The following NAV1 variants were observed in gnomAD, a reference collection of about 807,000 sequenced individuals.
The protein encoded by NAV1 is neuron navigator 1, also known as pore membrane and/or filament interacting like protein 3.
Under a neutral mutation model 175.2 loss-of-function variants are expected in NAV1, and 18 were observed. The ratio of observed to expected loss-of-function variants is 0.10; its 90% CI spans 0.07 to 0.15. NAV1 has a LOEUF of 0.15. NAV1 is among the 10% of genes least tolerant of loss of function. The pLI is 1.00. For synonymous variants in NAV1, 897 were observed against 978.7 expected (o/e 0.92, Z 1.56); for missense variants, 1,731 against 2,436.6 (o/e 0.71, Z 6.10).
At chr1:201,795,200 T>C (rs1677363481) in intron 15 of NAV1, 1 of 152,568 alleles carries the variant, frequency 6.6e-6, no homozygotes, top group South Asian at 2.1e-4. Flanking sequence ...ATTGCTTTTT[T>C]CAAGCTCCTC....
intron 1 of NAV1, among the ~76,000 whole-genome samples, chr1:201,692,592 C>T (rs552028845): frequency 6.6e-6 from 1 of 152,288 alleles, no homozygotes; most frequent in Non-Finnish European, 1.5e-5. Context: ...GCCATTTCCC[C>T]CTGATTTGTG....
rs1672224260 is a variant in NAV1, at chr1:201,718,346, C to T, written c.861-44C>T. 14 of 1,486,268 alleles carry T rather than the reference C, an allele frequency of 9.4e-6. No individual in the cohort carries two copies. Among genetic ancestry groups the T allele is most frequent in the Non-Finnish European group, 1.2e-5 (13 of 1,116,724 alleles). The allele number at this position is 1,486,268 out of a possible 1,614,324, so 92.1% of individuals were successfully genotyped here. On this transcript the variant is annotated intron_variant, in intron 2 of 29. Transcript: ENST00000367296. The surrounding 1 kb of genome is among the most constrained non-coding windows in gnomAD (Gnocchi z 4.8). The stretch of plus-strand genomic sequence containing the variant: ...GCATGTGAGGGGACAGGGCACACGG[C>T]GGCTGTGCCAAGGACTAAGTAGTGC...
chr1:201,600,777 TC>T (rs1490235525), intron 2 of NAV1, among the ~76,000 whole-genome samples: 1 of 152,150 alleles, frequency 6.6e-6, no homozygotes, highest in East Asian at 1.9e-4. Flanking sequence ...CAAAGGACTC[TC>T]CTGAGCCGAA....
chr1:201,783,582 C>T (rs537407969), exon 7 of NAV1: 27 of 1,614,130 alleles, frequency 1.7e-5, no homozygotes, highest in South Asian at 5.5e-5. Context: ...ACCCCCAGTC[C>T]GGCACCCATC....
In NAV1 at chr1:201,813,384, G is replaced by C. The variant is rs892610120; in HGVS notation, c.5340+126G>C. ...TTAGGTTCTCTTTCTAACAGGTGGA[G>C]CAAGGCACTGGGTAGACTAAGCTGC... On this transcript the variant is annotated intron_variant, in intron 28 of 29. Transcript: ENST00000367296. The surrounding 1 kb of genome is among the most constrained non-coding windows in gnomAD (Gnocchi z 4.2). The C allele has an allele frequency of 7.6e-6, 5 of 656,666 alleles. No homozygotes were observed. Among genetic ancestry groups the C allele is most frequent in the Non-Finnish European group, 1.3e-5 (5 of 381,116 alleles). The allele number at this position is 656,666 out of a possible 1,614,324, so 40.7% of individuals were successfully genotyped here.
intron 1 of NAV1, among the ~76,000 whole-genome samples, chr1:201,690,029 A>G (rs950437255): frequency 8.8e-4 from 103 of 117,288 alleles, no homozygotes; most frequent in African/African-American, 3.4e-3. Context: ...TGTGGCCTAT[A>G]TGTGGCAGAA....
At chr1:201,705,977 G>A (rs7516340) in intron 1 of NAV1, among the ~76,000 whole-genome samples, 1,833 of 152,298 alleles carry the variant, frequency 0.012, 42 homozygotes, top group African/African-American at 0.042. Context: ...GCAGTGGGTA[G>A]AGACCTGGAG....
chr1:201,806,359 G>T (rs989837099), intron 17 of NAV1, among the ~76,000 whole-genome samples: 3 of 152,122 alleles, frequency 2.0e-5, no homozygotes, highest in Non-Finnish European at 4.4e-5. Context: ...GTTTCATTTT[G>T]CTTAATCCAT....
chr1:201,560,486 T>A (rs1423980569), intron 1 of NAV1, among the ~76,000 whole-genome samples: 1 of 152,160 alleles, frequency 6.6e-6, no homozygotes, highest in Non-Finnish European at 1.5e-5. Context: ...GCCATCCTGG[T>A]GTGGTGACCA....
In NAV1 at chr1:201,694,753, T is replaced by G. The variant is rs771527927; in HGVS notation, c.758-18064T>G. On this transcript the variant is annotated intron_variant, in intron 1 of 29. Transcript: ENST00000367296. This position sits in a 1 kb window ranked among gnomAD's most constrained non-coding sequence, Gnocchi z 4.2. ...GATGGGCGAGATGCAGTCTCCAGAGTGACGCAGTGGGACGAGCCCTGGAGC... is the reference window on the plus strand; with the variant it reads ...GATGGGCGAGATGCAGTCTCCAGAGGGACGCAGTGGGACGAGCCCTGGAGC... Among the ~76,000 whole-genome samples the G allele has an allele frequency of 6.6e-6, 1 of 152,040 alleles. No homozygotes were observed. The highest frequency in any genetic ancestry group is 1.5e-5 in the Non-Finnish European group (1 of 67,986).
At chr1:201,680,770 G>A (rs186019662) in intron 1 of NAV1, among the ~76,000 whole-genome samples, 29 of 148,578 alleles carry the variant, frequency 2.0e-4, no homozygotes, top group African/African-American at 5.8e-4. Context: ...TGCACCCTTC[G>A]CCCAGTGGGG....
intron 8 of NAV1, among the ~76,000 whole-genome samples, chr1:201,785,735 C>T (rs768516067): frequency 6.6e-6 from 1 of 150,802 alleles, no homozygotes; most frequent in Non-Finnish European, 1.5e-5. Flanking sequence ...CCTACCTGGT[C>T]ATCCACTGTT....
upstream of NAV1, among the ~76,000 whole-genome samples, chr1:201,643,474 C>T (rs544587590): frequency 1.3e-5 from 2 of 150,604 alleles, no homozygotes; most frequent in Non-Finnish European, 3.0e-5. Context: ...CACTCTGTGG[C>T]ACAGTAGTGC....
rs530432551 is a variant in NAV1 at position 201,725,149 on chromosome 1, A to G, written c.1226+6394A>G. 2.0e-5 allele frequency among the ~76,000 whole-genome samples: 3 copies of G among 152,290 alleles called. No homozygotes were observed. The South Asian group carries it at 6.2e-4, about 32-fold the overall frequency. On this transcript the variant is annotated intron_variant, in intron 3 of 29. Transcript: ENST00000367296. ...ATACCCAACCCAGCCACCCTCATCG[A>G]TAAGAATTCTCTTGCAATGAGCACT...
intron 1 of NAV1, among the ~76,000 whole-genome samples, chr1:201,550,985 C>T (rs116349281): frequency 0.017 from 2,532 of 152,306 alleles, 36 homozygotes; most frequent in Middle Eastern, 0.031. Flanking sequence ...CTCTATGGTC[C>T]GTGCTGAATG....
At chr1:201,652,758 G>A (rs563265777) in intron 1 of NAV1, among the ~76,000 whole-genome samples, 10 of 152,320 alleles carry the variant, frequency 6.6e-5, no homozygotes, top group African/African-American at 2.4e-4. Context: ...AATGTTCCAA[G>A]TGGCTTAAAG....
intron 1 of NAV1, among the ~76,000 whole-genome samples, chr1:201,665,719 C>G (rs1007312171): frequency 6.6e-6 from 1 of 151,998 alleles, no homozygotes; most frequent in East Asian, 1.9e-4. Flanking sequence ...GCAGACACAC[C>G]TTTGGAGAAT....
At chr1:201,602,231 T>C (rs1423045387) in intron 2 of NAV1, among the ~76,000 whole-genome samples, 1 of 152,228 alleles carries the variant, frequency 6.6e-6, no homozygotes, top group African/African-American at 2.4e-5. Context: ...AGCTCTTTTC[T>C]TTATGTTTCT....
At chr1:201,729,006 A>G (rs941562159) in intron 3 of NAV1, among the ~76,000 whole-genome samples, 2 of 152,268 alleles carry the variant, frequency 1.3e-5, no homozygotes, top group Non-Finnish European at 2.9e-5. Flanking sequence ...GTGTGATGAC[A>G]TGCAATTTGG....
Sources: gnomAD v4.1 joint callset for allele counts (sites outside exome capture counted in the v4.1 genomes callset) on GRCh38, gnomAD v4.1.1 for gene constraint, Gnocchi (gnomAD v3.1) non-coding constraint, MANE v1.5 for transcripts, NCBI Gene and HGNC (gene_info 2026-07-23, HGNC 2026-07-21) for gene names.